Variants in HDAC9 observed in about 807,000 individuals in gnomAD.
HDAC9 encodes the protein histone deacetylase 9.
Under a neutral mutation model 139.4 loss-of-function variants are expected in HDAC9, and 41 were observed. The ratio of observed to expected loss-of-function variants is 0.29; its 90% CI spans 0.23 to 0.38. The LOEUF is 0.38. HDAC9 is among the 10% of genes least tolerant of loss of function. The pLI is 1.00. For synonymous variants in HDAC9, 517 were observed against 476.2 expected (o/e 1.09, Z -1.12); for missense variants, 1,147 against 1,297.0 (o/e 0.88, Z 1.78).
chr7:18,715,236 G>GA (rs1294671339), intron 12 of HDAC9, among the ~76,000 whole-genome samples: 1 of 143,576 alleles, frequency 7.0e-6, no homozygotes, highest in Non-Finnish European at 1.5e-5. Flanking sequence ...ATTTTAAGGG[G>GA]AAAGTGTTTT....
At chr7:18,543,084 A>G (rs1813539089) in intron 2 of HDAC9, 1 of 152,176 alleles carries the variant, frequency 6.6e-6, no homozygotes, top group African/African-American at 2.4e-5. Context: ...TTAAGTGTGC[A>G]TTATCATGCA....
At chr7:18,723,342 G>T (rs1047462402) in intron 12 of HDAC9, among the ~76,000 whole-genome samples, 3 of 152,164 alleles carry the variant, frequency 2.0e-5, no homozygotes, top group Non-Finnish European at 4.4e-5. Flanking sequence ...ACAGCCAAAG[G>T]TCATCTCTTC....
intron 6 of HDAC9, among the ~76,000 whole-genome samples, chr7:18,599,029 A>G (rs801534): frequency 0.88 from 134,305 of 152,246 alleles, 59,315 homozygotes; most frequent in South Asian, 0.96. Context: ...AAAATAAAAA[A>G]CGGAGCAGCA....
At chr7:18,913,835 A>T (rs1802952282) in intron 22 of HDAC9, among the ~76,000 whole-genome samples, 1 of 152,088 alleles carries the variant, frequency 6.6e-6, no homozygotes, top group Non-Finnish European at 1.5e-5. Context: ...ATTGTAAATT[A>T]GCTCTTTCAA....
At chr7:18,711,132 A>C (rs1784313398) in intron 12 of HDAC9, among the ~76,000 whole-genome samples, 1 of 152,232 alleles carries the variant, frequency 6.6e-6, no homozygotes, top group Admixed American at 6.5e-5. Context: ...TATGCAGTAG[A>C]TACTACTGTT....
At chr7:18,556,523 C>T (rs1818858235) in intron 2 of HDAC9, among the ~76,000 whole-genome samples, 2 of 152,020 alleles carry the variant, frequency 1.3e-5, no homozygotes, top group Non-Finnish European at 2.9e-5. Context: ...AAATTCAAAG[C>T]GTCTTTACTA....
At chr7:18,190,031 C>T (rs1029983920) in intron 2 of HDAC9, among the ~76,000 whole-genome samples, 1 of 151,928 alleles carries the variant, frequency 6.6e-6, no homozygotes, top group Non-Finnish European at 1.5e-5. Flanking sequence ...CCTCTGCCTC[C>T]CGGGTTCAAG....
At chr7:18,946,785 A>G (rs1243567013) in intron 23 of HDAC9, among the ~76,000 whole-genome samples, 2 of 152,106 alleles carry the variant, frequency 1.3e-5, no homozygotes, top group Admixed American at 6.5e-5. Flanking sequence ...GTGATGTGGA[A>G]GATTTAAACA....
At position 18,602,172 on chromosome 7, in the gene HDAC9, C is replaced by A. The variant is rs1192460262; in HGVS notation, c.664+8143C>A. ...AGGCCTATTTAAATTATGTTTTTCT[C>A]CACTTGTGAGTTTTAGTAATTTGTG... On this transcript the variant is annotated intron_variant, in intron 6 of 25. Coordinates refer to ENST00000686413, the MANE Select transcript of HDAC9 (RefSeq NM_178425.4). Among the ~76,000 whole-genome samples the A allele has an allele frequency of 2.6e-5, 4 of 152,058 alleles. No individual in the cohort carries two copies. The East Asian group carries it at 7.7e-4, about 29-fold the overall frequency.
chr7:18,485,894 T>C (rs564945860), intron 1 of HDAC9, among the ~76,000 whole-genome samples: 1 of 152,254 alleles, frequency 6.6e-6, no homozygotes, highest in South Asian at 2.1e-4. Flanking sequence ...ATAAGCCACA[T>C]TATTTGAAAT....
Position 18,793,343 on chromosome 7 carries a change from A to C in HDAC9, c.2215-2A>C. ...TTCGGACTCTGCTGACTGTTTGCTC[A>C]GGTGGACAGTGACACCATTTGGAAT... On this transcript the variant is annotated splice_acceptor_variant, in intron 16 of 25. Transcript: ENST00000686413. LOFTEE classifies it high-confidence loss of function. 6.4e-7 allele frequency: 1 copy of C among 1,563,010 alleles called. No individual in the cohort carries two copies. The highest frequency in any genetic ancestry group is 8.7e-7 in the Non-Finnish European group (1 of 1,151,390).
intron 1 of HDAC9, among the ~76,000 whole-genome samples, chr7:18,094,427 T>A (rs574953581): frequency 6.6e-6 from 1 of 151,940 alleles, no homozygotes; most frequent in African/African-American, 2.4e-5. Flanking sequence ...CAGCCTATCT[T>A]TGTTACCTTT....
At chr7:18,151,280 T>G (rs891204183) in intron 1 of HDAC9, among the ~76,000 whole-genome samples, 1 of 152,240 alleles carries the variant, frequency 6.6e-6, no homozygotes, top group Non-Finnish European at 1.5e-5. Context: ...GTTCTGACAC[T>G]GTAATTATAT....
intron 1 of HDAC9, among the ~76,000 whole-genome samples, chr7:18,477,794 A>C (rs1181972476): frequency 6.6e-6 from 1 of 152,120 alleles, no homozygotes; most frequent in Non-Finnish European, 1.5e-5. Flanking sequence ...AATTATATAT[A>C]TTCCTTTATC....
chr7:18,268,199 T>C (rs1446032831), intron 2 of HDAC9, among the ~76,000 whole-genome samples: 1 of 152,168 alleles, frequency 6.6e-6, no homozygotes, highest in African/African-American at 2.4e-5. Context: ...ATAAAATTCA[T>C]CTAACATATC....
At chr7:18,385,204 G>A (rs550858961) in intron 1 of HDAC9, among the ~76,000 whole-genome samples, 9 of 152,112 alleles carry the variant, frequency 5.9e-5, no homozygotes, top group Admixed American at 2.0e-4. Context: ...GCAAAGTGAT[G>A]GAATCAAATA....
intron 13 of HDAC9, among the ~76,000 whole-genome samples, chr7:18,747,233 G>A (rs985024271): frequency 1.3e-5 from 2 of 152,162 alleles, no homozygotes; most frequent in Non-Finnish European, 2.9e-5. Flanking sequence ...TTTAGTGAAG[G>A]CCCTGAAGGA....
At chr7:18,355,963 C>A (rs1174146790) in intron 1 of HDAC9, among the ~76,000 whole-genome samples, 1 of 152,016 alleles carries the variant, frequency 6.6e-6, no homozygotes, top group Non-Finnish European at 1.5e-5. Context: ...TTACTGCAAG[C>A]GATTGAAATG....
chr7:18,892,930 AT>A (rs1554395021), intron 22 of HDAC9, among the ~76,000 whole-genome samples: 59 of 131,484 alleles, frequency 4.5e-4, no homozygotes, highest in African/African-American at 1.7e-3. Context: ...ATGTCAGATC[AT>A]TTTTTTTTCC....
Sources: allele counts gnomAD v4.1 joint callset (sites outside exome capture counted in the v4.1 genomes callset), GRCh38; gene constraint gnomAD v4.1.1; transcripts MANE v1.5; gene names NCBI Gene and HGNC (gene_info 2026-07-23, HGNC 2026-07-21).